The following PPM1E variants were observed in gnomAD, a reference collection of about 807,000 sequenced individuals.
The protein encoded by PPM1E is protein phosphatase, Mg2+/Mn2+ dependent 1E.
A neutral mutation model predicts 65.9 loss-of-function variants in PPM1E; 20 were observed. The ratio of observed to expected loss-of-function variants is 0.30; its 90% CI spans 0.21 to 0.44. PPM1E has a LOEUF of 0.44. Among genes scored for constraint, PPM1E ranks in the 20% least tolerant of loss-of-function variants. The probability of loss-of-function intolerance (pLI) is 1.00; values close to 1 mark genes in which losing one functional copy is unlikely to be tolerated. For synonymous variants in PPM1E, 352 were observed against 374.9 expected, an observed-to-expected ratio of 0.94 and a Z score of 0.70; for missense variants, 713 against 953.1, an observed-to-expected ratio of 0.75 and a Z score of 3.32.
rs190882306 is a variant in PPM1E at position 58,973,916 on chromosome 17, C to T, written c.1210+991C>T. ...GCAGTGAGTCGAGATCGCGCCACTGCGCTCCAGGCTGGGCGACAGAGCGAG... is the reference window on the plus strand; with the variant it reads ...GCAGTGAGTCGAGATCGCGCCACTGTGCTCCAGGCTGGGCGACAGAGCGAG... On this transcript the variant is annotated intron_variant, in intron 6 of 6. Coordinates refer to ENST00000308249, the MANE Select transcript of PPM1E (RefSeq NM_014906.5). Among the ~76,000 whole-genome samples the T allele has an allele frequency of 1.3e-4, 18 of 134,398 alleles. No individual in the cohort carries two copies. The East Asian group carries it at 3.2e-3, about 24-fold the overall frequency. The allele number at this position is 134,398 out of a possible 152,430, so 88.2% of individuals were successfully genotyped here.
chr17:58,907,107 G>A (rs939731425), intron 1 of PPM1E, among the ~76,000 whole-genome samples: 1 of 152,026 alleles, frequency 6.6e-6, no homozygotes, highest in Non-Finnish European at 1.5e-5. Context: ...TTAGTCGAGC[G>A]TGGTGGCACA....
intron 1 of PPM1E, among the ~76,000 whole-genome samples, chr17:58,908,217 G>C (rs1025804333): frequency 6.6e-6 from 1 of 151,698 alleles, no homozygotes; most frequent in Non-Finnish European, 1.5e-5. Context: ...GAGTAGCTGG[G>C]ATTATAGGCA....
intron 1 of PPM1E, among the ~76,000 whole-genome samples, chr17:58,955,066 C>T (rs944450960): frequency 1.3e-5 from 2 of 151,786 alleles, no homozygotes; most frequent in Non-Finnish European, 2.9e-5. Context: ...TTTGTTTCCT[C>T]TATAAAACTT....
chr17:58,789,779 CTAT>C (rs2050138929), intron 1 of PPM1E, among the ~76,000 whole-genome samples: 1 of 151,142 alleles, frequency 6.6e-6, no homozygotes, highest in African/African-American at 2.4e-5. Context: ...AAATACCTGC[CTAT>C]TATTACCTTT....
At chr17:58,893,153 C>A (rs1234196997) in intron 1 of PPM1E, among the ~76,000 whole-genome samples, 1 of 152,178 alleles carries the variant, frequency 6.6e-6, no homozygotes, top group Non-Finnish European at 1.5e-5. Flanking sequence ...AAATACTGCA[C>A]AGAAGTGCTT....
chr17:58,967,663 A>T (rs1233100070), intron 3 of PPM1E, among the ~76,000 whole-genome samples: 3 of 151,960 alleles, frequency 2.0e-5, no homozygotes, highest in Non-Finnish European at 4.4e-5. Flanking sequence ...GTGTTTTTTT[A>T]AAAAGAAGCT....
At chr17:58,873,599 T>TATTATC (rs1271154939) in intron 1 of PPM1E, among the ~76,000 whole-genome samples, 2 of 108,884 alleles carry the variant, frequency 1.8e-5, no homozygotes, top group Non-Finnish European at 4.0e-5. Flanking sequence ...TTATTATTAT[T>TATTATC]ATTATTATTT....
chr17:58,921,859 G>A (rs904326398), intron 1 of PPM1E, among the ~76,000 whole-genome samples: 42 of 151,842 alleles, frequency 2.8e-4, no homozygotes, highest in African/African-American at 1.0e-3. Context: ...TGGCTAACAT[G>A]GTAAAACCCC....
intron 1 of PPM1E, among the ~76,000 whole-genome samples, chr17:58,826,995 G>C (rs2050543610): frequency 6.6e-6 from 1 of 151,916 alleles, no homozygotes; most frequent in African/African-American, 2.4e-5. Flanking sequence ...GATGGATCAT[G>C]CTGACCCATT....
intron 1 of PPM1E, among the ~76,000 whole-genome samples, chr17:58,792,385 G>A (rs1402695070): frequency 6.6e-6 from 1 of 151,812 alleles, no homozygotes; most frequent in Non-Finnish European, 1.5e-5. Flanking sequence ...CTGCCACCAA[G>A]GCTGGAGTGC....
intron 6 of PPM1E, among the ~76,000 whole-genome samples, chr17:58,974,031 G>A (rs2030837199): frequency 6.6e-6 from 1 of 151,854 alleles, no homozygotes; most frequent in Admixed American, 6.6e-5. Flanking sequence ...AGGAGGCTGA[G>A]GCGGAAGGAT....
At chr17:58,936,602 G>A (rs917907276) in intron 1 of PPM1E, among the ~76,000 whole-genome samples, 11 of 152,254 alleles carry the variant, frequency 7.2e-5, no homozygotes, top group Admixed American at 5.2e-4. Context: ...TAATAATGTC[G>A]TTAGTGATTT....
intron 1 of PPM1E, among the ~76,000 whole-genome samples, chr17:58,786,179 T>G (rs1598570199): frequency 1.3e-5 from 2 of 152,148 alleles, no homozygotes; most frequent in South Asian, 4.2e-4. Context: ...CACACCTGGC[T>G]AATTTTTTGT....
At chr17:58,918,462 A>G (rs1350934220) in intron 1 of PPM1E, among the ~76,000 whole-genome samples, 1 of 152,170 alleles carries the variant, frequency 6.6e-6, no homozygotes, top group Non-Finnish European at 1.5e-5. Flanking sequence ...TTAATTTATG[A>G]TCTTTAGTAG....
At chr17:58,888,838 T>A (rs1293883735) in intron 1 of PPM1E, among the ~76,000 whole-genome samples, 1 of 152,218 alleles carries the variant, frequency 6.6e-6, no homozygotes, top group Non-Finnish European at 1.5e-5. Flanking sequence ...ATTAGATAGT[T>A]GAATGTCATT....
intron 1 of PPM1E, among the ~76,000 whole-genome samples, chr17:58,831,943 T>G (rs1413580462): frequency 6.6e-6 from 1 of 152,218 alleles, no homozygotes; most frequent in Non-Finnish European, 1.5e-5. Flanking sequence ...TTGCCAGTGC[T>G]TTTATTGTTT....
chr17:58,795,779 A>G (rs965983071), intron 1 of PPM1E, among the ~76,000 whole-genome samples: 2 of 152,070 alleles, frequency 1.3e-5, no homozygotes, highest in African/African-American at 4.8e-5. Context: ...GCATTTCTCT[A>G]ATGATTAGTG....
intron 1 of PPM1E, among the ~76,000 whole-genome samples, chr17:58,923,609 G>A (rs1598652217): frequency 6.6e-6 from 1 of 151,872 alleles, no homozygotes. Context: ...GCCAGGTGTG[G>A]TGGCATGTGC....
intron 2 of PPM1E, among the ~76,000 whole-genome samples, chr17:58,960,049 T>C (rs945029789): frequency 1.3e-5 from 2 of 152,220 alleles, no homozygotes; most frequent in South Asian, 2.1e-4. Flanking sequence ...ACAGCTTTAG[T>C]TGTCTTCAGC....
Sources: gnomAD v4.1 joint callset for allele counts (sites outside exome capture counted in the v4.1 genomes callset) on GRCh38, gnomAD v4.1.1 for gene constraint, MANE v1.5 for transcripts, NCBI Gene and HGNC (gene_info 2026-07-23, HGNC 2026-07-21) for gene names.